CLASP1: variants seen among roughly 807,000 people sequenced by gnomAD.
The protein encoded by CLASP1 is CLIP-associating protein 1.
CLASP1 carries 38 observed loss-of-function variants against 192.3 expected under a neutral mutation model. That is an observed-to-expected ratio of 0.20 (90% CI 0.15 to 0.26). The LOEUF (loss-of-function observed/expected upper bound fraction) is 0.26. CLASP1 is among the 10% of genes least tolerant of loss of function. The pLI, the probability that CLASP1 is intolerant of heterozygous loss-of-function variation, is 1.00. For synonymous variants in CLASP1, 691 were observed against 712.8 expected (o/e 0.97, Z 0.49); for missense variants, 1,433 against 1,932.5 (o/e 0.74, Z 4.85).
chr2:121,357,740 C>T (rs138505215), intron 37 of CLASP1, among the ~76,000 whole-genome samples: 62 of 152,284 alleles, frequency 4.1e-4, no homozygotes, highest in Middle Eastern at 6.8e-3. Flanking sequence ...GTGAGGTGGG[C>T]TATGTTTCTC....
chr2:121,432,154 G>T (rs145951001), intron 19 of CLASP1, among the ~76,000 whole-genome samples: 1 of 151,958 alleles, frequency 6.6e-6, no homozygotes, highest in African/African-American at 2.4e-5. Flanking sequence ...TCTTTCTGTC[G>T]CCCATGCTGG....
intron 19 of CLASP1, among the ~76,000 whole-genome samples, chr2:121,442,699 C>T (rs555883233): frequency 1.3e-5 from 2 of 152,192 alleles, no homozygotes; most frequent in Admixed American, 6.5e-5. Context: ...AGGCTGGTCT[C>T]GAACTCCTGA....
intron 2 of CLASP1, among the ~76,000 whole-genome samples, chr2:121,546,169 C>G (rs1038504627): frequency 2.0e-5 from 3 of 151,968 alleles, no homozygotes; most frequent in Non-Finnish European, 4.4e-5. Flanking sequence ...TCAGGGTATA[C>G]CCAGAAAAAG....
At chr2:121,577,693 G>T (rs1559662210) in intron 2 of CLASP1, among the ~76,000 whole-genome samples, 1 of 152,166 alleles carries the variant, frequency 6.6e-6, no homozygotes, top group Non-Finnish European at 1.5e-5. Context: ...AATTTAAAAT[G>T]AGGTTGAAAA....
intron 18 of CLASP1, 23 bp downstream of exon 18, chr2:121,448,253 T>C (rs2084752302): frequency 6.2e-7 from 1 of 1,610,388 alleles, no homozygotes; most frequent in South Asian, 1.1e-5. Flanking sequence ...AGAACAGGCC[T>C]TCTCCACGGC....
exon 22 of CLASP1, chr2:121,425,227 T>G (rs2080186390): frequency 6.2e-7 from 1 of 1,613,688 alleles, no homozygotes; most frequent in Admixed American, 1.7e-5. Context: ...GTGTCACAGG[T>G]GGGCCTCGTG....
chr2:121,599,497 A>G (rs532307795), intron 2 of CLASP1, among the ~76,000 whole-genome samples: 1 of 151,074 alleles, frequency 6.6e-6, no homozygotes, highest in Admixed American at 6.6e-5. Context: ...CTGAGGCAGA[A>G]GAATCACTTG....
intron 1 of CLASP1, among the ~76,000 whole-genome samples, chr2:121,618,570 T>A (rs1212309487): frequency 6.6e-6 from 1 of 152,058 alleles, no homozygotes; most frequent in Admixed American, 6.6e-5. Context: ...CCAAGAATTA[T>A]CTATACAGAC....
At position 121,639,093 on chromosome 2, in the gene CLASP1, A is replaced by T. The variant is rs543987312; in HGVS notation, c.-286+10279T>A. ...AGATTGAGACCATCCTGGTTAACAC[A>T]GTGAAACCCTGTCTCTACTAAAAAT... On this transcript the variant is annotated intron_variant, in intron 1 of 39. Coordinates refer to ENST00000263710, the Ensembl canonical transcript of CLASP1. Among the ~76,000 whole-genome samples, 7 of 152,200 alleles carry T rather than the reference A, an allele frequency of 4.6e-5. No homozygotes were observed. The East Asian group carries it at 1.2e-3, about 25-fold the overall frequency.
intron 6 of CLASP1, among the ~76,000 whole-genome samples, chr2:121,520,939 C>T (rs1200014751): frequency 1.6e-4 from 24 of 152,120 alleles, no homozygotes; most frequent in Non-Finnish European, 2.9e-5. Context: ...CTGGGTCACA[C>T]AGGGGCACGG....
At chr2:121,599,583 A>G (rs1381018530) in intron 2 of CLASP1, among the ~76,000 whole-genome samples, 3 of 98,738 alleles carry the variant, frequency 3.0e-5, no homozygotes, top group Admixed American at 1.1e-4. Context: ...GTGAGACTCC[A>G]TCTCAAAAAA....
chr2:121,473,178 GATGAA>G (rs577267171), intron 8 of CLASP1, among the ~76,000 whole-genome samples: 22 of 152,164 alleles, frequency 1.4e-4, no homozygotes, highest in African/African-American at 5.1e-4. Context: ...TCTGAGAAAT[GATGAA>G]ATAAGAACAT....
exon 28 of CLASP1, chr2:121,401,524 G>A: frequency 6.2e-7 from 1 of 1,611,606 alleles, no homozygotes; most frequent in African/African-American, 1.3e-5. Context: ...GACATCTAGA[G>A]CCTTTTGAAC....
chr2:121,608,797 TTCATTCATTC>T (rs1384560370), intron 1 of CLASP1, among the ~76,000 whole-genome samples: 4 of 152,200 alleles, frequency 2.6e-5, no homozygotes, highest in African/African-American at 9.6e-5. Context: ...ATCATTCATT[TTCATTCATTC>T]TCAATGAAAA....
chr2:121,503,118 C>T (rs539955447), intron 8 of CLASP1, 49 bp downstream of exon 8: 11 of 1,136,472 alleles, frequency 9.7e-6, no homozygotes, highest in South Asian at 6.7e-5. Context: ...ATAAATGATG[C>T]GAATGTAAAA....
chr2:121,454,871 A>G (rs1575019044), intron 14 of CLASP1, among the ~76,000 whole-genome samples: 1 of 152,242 alleles, frequency 6.6e-6, no homozygotes, highest in Non-Finnish European at 1.5e-5. Context: ...GAAAATAACA[A>G]CAGCCACAGC....
intron 8 of CLASP1, among the ~76,000 whole-genome samples, chr2:121,478,603 AACACACACACACACCACACACACACATAC>A (rs2091937170): frequency 7.0e-6 from 1 of 141,882 alleles, no homozygotes; most frequent in Non-Finnish European, 1.5e-5. Flanking sequence ...TCCGTCTCAA[AACACACACACACACCACACACACACATAC>A]ACACACACAC....
chr2:121,517,857 G>GTTT (rs1559495604), intron 6 of CLASP1, among the ~76,000 whole-genome samples: 19 of 60,658 alleles, frequency 3.1e-4, no homozygotes, highest in African/African-American at 2.3e-3. Context: ...CAAGACTCAA[G>GTTT]CTTTTTTTTT....
intron 7 of CLASP1, among the ~76,000 whole-genome samples, chr2:121,506,701 AGGT>A (rs1232400398): frequency 6.6e-6 from 1 of 152,208 alleles, no homozygotes; most frequent in Non-Finnish European, 1.5e-5. Flanking sequence ...AGGAAGACAG[AGGT>A]GCAAAACACC....
Sources: allele counts gnomAD v4.1 joint callset (sites outside exome capture counted in the v4.1 genomes callset), GRCh38; gene constraint gnomAD v4.1.1; transcripts MANE v1.5; gene names NCBI Gene and HGNC (gene_info 2026-07-23, HGNC 2026-07-21).